TBL1XR1: variants seen among roughly 807,000 people sequenced by gnomAD.
TBL1XR1 encodes F-box-like/WD repeat-containing protein TBL1XR1.
A neutral mutation model predicts 66.9 loss-of-function variants in TBL1XR1; 5 were observed. The observed-to-expected ratio is 0.07, with a 90% CI of 0.04 to 0.16. TBL1XR1 has a LOEUF of 0.16. Among genes scored for constraint, TBL1XR1 ranks in the 10% least tolerant of loss-of-function variants. The probability of loss-of-function intolerance (pLI) is 1.00; values close to 1 mark genes in which losing one functional copy is unlikely to be tolerated. For synonymous variants in TBL1XR1, 210 were observed against 206.0 expected (o/e 1.02, Z -0.17); for missense variants, 238 against 623.2 (o/e 0.38, Z 6.58).
At chr3:177,082,654 T>C (rs1721543065) in intron 2 of TBL1XR1, among the ~76,000 whole-genome samples, 1 of 148,258 alleles carries the variant, frequency 6.7e-6, no homozygotes, top group South Asian at 2.1e-4. Context: ...CAAAACTTTA[T>C]GAAAGAACCA....
rs189298215 is a variant in TBL1XR1, at chr3:177,182,401, T to C, written c.-122+14720A>G. 7.2e-5 allele frequency among the ~76,000 whole-genome samples: 11 copies of C among 152,104 alleles called. No individual in the cohort carries two copies. In the East Asian group the frequency reaches 2.1e-3, roughly 29 times the overall value. On this transcript the variant is annotated intron_variant, in intron 1 of 15. Transcript: ENST00000457928. ...TCCTGTCTCAGAAAAAGAAGAAAAC[T>C]CTGACAGCAGGAACACAGTAAGTTC...
At chr3:177,033,242 T>G in intron 13 of TBL1XR1, 106 bp from the exon 14 acceptor site, 1 of 944,864 alleles carries the variant, frequency 1.1e-6, no homozygotes, top group Non-Finnish European at 1.5e-6. Context: ...GCCAAAATTC[T>G]TTATGAGAAG....
chr3:177,134,538 G>A (rs1728674624), intron 1 of TBL1XR1, among the ~76,000 whole-genome samples: 1 of 152,140 alleles, frequency 6.6e-6, no homozygotes, highest in African/African-American at 2.4e-5. Flanking sequence ...ATCAGTTATA[G>A]GCAAAACAGT....
At chr3:177,135,034 GTGCTGTCACTCAGGCTGGAGTGCAA>G (rs1728764106) in intron 1 of TBL1XR1, among the ~76,000 whole-genome samples, 1 of 149,022 alleles carries the variant, frequency 6.7e-6, no homozygotes, top group East Asian at 2.0e-4. Flanking sequence ...CTGGAGTGCA[GTGCTGTCACTCAGGCTGGAGTGCAA>G]TGATGCCATC....
At chr3:177,026,106 G>T in intron 15 of TBL1XR1, 2 of 455,772 alleles carry the variant, frequency 4.4e-6, no homozygotes, top group East Asian at 4.4e-5. Context: ...TGTTCCTCTG[G>T]TATACCTAAT....
intron 2 of TBL1XR1, chr3:177,079,676 A>G (rs1319893896): frequency 1.3e-5 from 2 of 152,026 alleles, no homozygotes; most frequent in Non-Finnish European, 2.9e-5. Context: ...GTAAAATAAA[A>G]AAGTGTCACA....
intron 1 of TBL1XR1, among the ~76,000 whole-genome samples, chr3:177,124,696 C>T (rs1353870182): frequency 6.6e-6 from 1 of 152,054 alleles, no homozygotes; most frequent in Non-Finnish European, 1.5e-5. Flanking sequence ...GTGCTTAACT[C>T]ACGGCATCTT....
intron 15 of TBL1XR1, 120 bp from the exon 16 acceptor site, chr3:177,025,644 G>T: frequency 1.1e-6 from 1 of 939,462 alleles, no homozygotes; most frequent in Non-Finnish European, 1.6e-6. Context: ...AATTGGTAAA[G>T]CATAATAATC....
At chr3:177,150,338 C>G (rs1218309793) in intron 1 of TBL1XR1, among the ~76,000 whole-genome samples, 2 of 152,148 alleles carry the variant, frequency 1.3e-5, no homozygotes. Flanking sequence ...GAACAGAGTA[C>G]AGAGTCCTCA....
chr3:177,150,181 T>G (rs1449666894), intron 1 of TBL1XR1, among the ~76,000 whole-genome samples: 1 of 152,164 alleles, frequency 6.6e-6, no homozygotes, highest in African/African-American at 2.4e-5. Flanking sequence ...AAATGCACCT[T>G]CTTAATTGTC....
intron 1 of TBL1XR1, among the ~76,000 whole-genome samples, chr3:177,150,537 A>C (rs914074468): frequency 6.6e-6 from 1 of 152,236 alleles, no homozygotes; most frequent in Admixed American, 6.5e-5. Context: ...TGAGTTACCT[A>C]GGAAAACAAA....
intron 2 of TBL1XR1, among the ~76,000 whole-genome samples, chr3:177,070,053 A>C (rs938387438): frequency 8.5e-5 from 13 of 152,204 alleles, no homozygotes; most frequent in African/African-American, 2.9e-4. Context: ...TTTGTTGTTT[A>C]TTTGATGATA....
intron 2 of TBL1XR1, among the ~76,000 whole-genome samples, chr3:177,091,698 C>CA (rs958462387): frequency 8.6e-5 from 13 of 152,040 alleles, no homozygotes; most frequent in Admixed American, 4.6e-4. Flanking sequence ...CACAATAACT[C>CA]AAAAAAATCC....
In TBL1XR1 at chr3:177,020,721, C is replaced by T. The variant is rs770411784; in HGVS notation, c.*4777G>A. The stretch of plus-strand genomic sequence containing the variant: ...AAATAGTCTATATAAACTACATAGA[C>T]ATCAAAGGTTTTATATATGTACACA... On this transcript the variant is annotated 3_prime_UTR_variant, in exon 16 of 16. Transcript: ENST00000457928. 4 of 152,112 alleles carry T rather than the reference C, an allele frequency of 2.6e-5. No homozygotes were observed. Among genetic ancestry groups the T allele is most frequent in the Non-Finnish European group, 5.9e-5 (4 of 68,004 alleles). The allele number at this position is 152,112 out of a possible 1,614,324, so 9.4% of individuals were successfully genotyped here. A position where few individuals can be genotyped will look rare whatever the true frequency, so the allele number is the denominator to read the frequency against.
At chr3:177,129,892 C>G (rs930833118) in intron 1 of TBL1XR1, among the ~76,000 whole-genome samples, 2 of 151,990 alleles carry the variant, frequency 1.3e-5, no homozygotes, top group Admixed American at 1.3e-4. Flanking sequence ...CGCCTGTAAT[C>G]CCAGCACTTT....
chr3:177,069,795 A>G (rs1300329525), intron 2 of TBL1XR1, among the ~76,000 whole-genome samples: 38 of 70,648 alleles, frequency 5.4e-4, no homozygotes, highest in African/African-American at 1.6e-3. Context: ...AAGGAAGGAA[A>G]GGAAGGAAGG....
chr3:177,177,452 A>AAAAAAT (rs1051219210), intron 1 of TBL1XR1, among the ~76,000 whole-genome samples: 1 of 152,216 alleles, frequency 6.6e-6, no homozygotes, highest in Non-Finnish European at 1.5e-5. Context: ...TCCATCTCAA[A>AAAAAAT]AAAAATAAAA....
intron 2 of TBL1XR1, among the ~76,000 whole-genome samples, chr3:177,082,004 T>C (rs1381855439): frequency 6.6e-6 from 1 of 152,180 alleles, no homozygotes; most frequent in Admixed American, 6.5e-5. Flanking sequence ...CCCTTGATTG[T>C]TCACCACTAA....
intron 2 of TBL1XR1, among the ~76,000 whole-genome samples, chr3:177,079,256 C>G (rs897434876): frequency 6.6e-6 from 1 of 151,352 alleles, no homozygotes; most frequent in Non-Finnish European, 1.5e-5. Flanking sequence ...ACGGTGAAAC[C>G]CCGTCTCCAC....
Sources: allele counts gnomAD v4.1 joint callset (sites outside exome capture counted in the v4.1 genomes callset), GRCh38; gene constraint gnomAD v4.1.1; transcripts MANE v1.5; gene names NCBI Gene and HGNC (gene_info 2026-07-23, HGNC 2026-07-21).